Variants in SLC30A8 observed in about 807,000 individuals in gnomAD.
The protein encoded by SLC30A8 is proton-coupled zinc antiporter SLC30A8.
Under a neutral mutation model 36.9 loss-of-function variants are expected in SLC30A8, and 27 were observed. That is an observed-to-expected ratio of 0.73 (90% CI 0.54 to 1.01). The LOEUF (loss-of-function observed/expected upper bound fraction) is 1.01, where lower values mean the gene tolerates loss of function less well. Among genes scored for constraint, SLC30A8 ranks in the 50% least tolerant of loss-of-function variants. The probability of loss-of-function intolerance (pLI) is 0.00; values close to 1 mark genes in which losing one functional copy is unlikely to be tolerated. For synonymous variants in SLC30A8, 164 were observed against 172.4 expected (o/e 0.95, Z 0.38); for missense variants, 439 against 452.0 (o/e 0.97, Z 0.26).
chr8:117,094,341 A>G (rs751701588), intron 2 of SLC30A8, among the ~76,000 whole-genome samples: 1 of 152,162 alleles, frequency 6.6e-6, no homozygotes, highest in African/African-American at 2.4e-5. Flanking sequence ...TTTATTGAGC[A>G]GCAGCTCAGA....
intron 1 of SLC30A8, among the ~76,000 whole-genome samples, chr8:116,998,678 A>G (rs1177227026): frequency 6.6e-6 from 1 of 152,182 alleles, no homozygotes; most frequent in Non-Finnish European, 1.5e-5. Flanking sequence ...CCCAAACCCA[A>G]TAACTGTGGT....
At chr8:116,982,432 C>T (rs1463779695) in intron 1 of SLC30A8, among the ~76,000 whole-genome samples, 1 of 152,044 alleles carries the variant, frequency 6.6e-6, no homozygotes, top group African/African-American at 2.4e-5. Flanking sequence ...CAGTGATATT[C>T]CTACAGCATA....
intron 2 of SLC30A8, among the ~76,000 whole-genome samples, chr8:117,080,895 C>A (rs1041384020): frequency 6.6e-6 from 1 of 152,080 alleles, no homozygotes; most frequent in Non-Finnish European, 1.5e-5. Context: ...ATACTTAGTT[C>A]TTTGAGAAAT....
At chr8:117,083,902 C>A (rs569435857) in intron 2 of SLC30A8, among the ~76,000 whole-genome samples, 1 of 152,282 alleles carries the variant, frequency 6.6e-6, no homozygotes, top group East Asian at 1.9e-4. Flanking sequence ...CTTGATCCTC[C>A]TGATGGGCTC....
At chr8:117,096,066 C>G (rs1040576981) in intron 2 of SLC30A8, among the ~76,000 whole-genome samples, 2 of 152,138 alleles carry the variant, frequency 1.3e-5, no homozygotes, top group African/African-American at 4.8e-5. Flanking sequence ...TTCTCTCACA[C>G]CAGCTCTTGT....
intron 1 of SLC30A8, among the ~76,000 whole-genome samples, chr8:117,010,714 AAAGG>A (rs1411711755): frequency 1.3e-5 from 2 of 152,176 alleles, no homozygotes; most frequent in Non-Finnish European, 2.9e-5. Context: ...TGTGGGTTGT[AAAGG>A]AAGCATAATG....
At chr8:116,965,546 A>G (rs1814572014) in intron 1 of SLC30A8, among the ~76,000 whole-genome samples, 1 of 152,222 alleles carries the variant, frequency 6.6e-6, no homozygotes, top group Non-Finnish European at 1.5e-5. Flanking sequence ...ATCCAGATGA[A>G]TTTGACTGGA....
chr8:117,124,427 A>G (rs1189220533), intron 2 of SLC30A8, among the ~76,000 whole-genome samples: 2 of 151,840 alleles, frequency 1.3e-5, no homozygotes, highest in Non-Finnish European at 2.9e-5. Flanking sequence ...CATTGTTACT[A>G]TTCCTGCACC....
chr8:117,024,935 T>C (rs554967354), intron 1 of SLC30A8, among the ~76,000 whole-genome samples: 4 of 152,282 alleles, frequency 2.6e-5, no homozygotes, highest in African/African-American at 9.6e-5. Flanking sequence ...CAGTATCCAT[T>C]AGCTATTCTT....
At chr8:117,129,918 C>T (rs867391512) in intron 2 of SLC30A8, 2 of 151,844 alleles carry the variant, frequency 1.3e-5, no homozygotes, top group Admixed American at 6.6e-5. Flanking sequence ...TAGCTGACTG[C>T]GAAGGAAATG....
chr8:117,123,865 A>G (rs979384846), intron 2 of SLC30A8, among the ~76,000 whole-genome samples: 4 of 152,038 alleles, frequency 2.6e-5, no homozygotes, highest in South Asian at 2.1e-4. Flanking sequence ...TTTGGAAACT[A>G]TTGATGAGGA....
At chr8:116,958,577 C>T (rs1029964562) in intron 1 of SLC30A8, among the ~76,000 whole-genome samples, 4 of 151,858 alleles carry the variant, frequency 2.6e-5, no homozygotes, top group Non-Finnish European at 5.9e-5. Flanking sequence ...GGTAGTGTGT[C>T]GGCTGCATTT....
At chr8:116,971,255 C>T (rs1336876456) in intron 1 of SLC30A8, among the ~76,000 whole-genome samples, 1 of 152,032 alleles carries the variant, frequency 6.6e-6, no homozygotes, top group African/African-American at 2.4e-5. Context: ...GCACATGCAT[C>T]CCAGAACTTA....
chr8:117,153,625 G>A (rs76978308), intron 3 of SLC30A8, among the ~76,000 whole-genome samples: 3,405 of 150,216 alleles, frequency 0.023, 68 homozygotes, highest in Non-Finnish European at 0.033. Context: ...GAAGGAAGAG[G>A]AGAAGATGAA....
chr8:117,157,901 G>GTTTTTT, intron 4 of SLC30A8, 57 bp downstream of exon 4: 1 of 1,580,602 alleles, frequency 6.3e-7, no homozygotes, highest in Non-Finnish European at 8.6e-7. Context: ...TAACTATCTG[G>GTTTTTT]ACAAAGTCGA....
intron 1 of SLC30A8, among the ~76,000 whole-genome samples, chr8:117,019,001 T>A (rs1043845045): frequency 2.0e-5 from 3 of 152,152 alleles, no homozygotes; most frequent in Admixed American, 6.5e-5. Flanking sequence ...TAAGCATTTT[T>A]TAAAAAATTT....
intron 1 of SLC30A8, among the ~76,000 whole-genome samples, chr8:117,020,938 C>T (rs747719647): frequency 7.2e-5 from 11 of 151,726 alleles, no homozygotes; most frequent in Non-Finnish European, 1.3e-4. Context: ...TGGTATTCGT[C>T]GGAATGGAAA....
At chr8:117,001,903 T>C (rs1586383237) in intron 1 of SLC30A8, among the ~76,000 whole-genome samples, 1 of 152,220 alleles carries the variant, frequency 6.6e-6, no homozygotes, top group Non-Finnish European at 1.5e-5. Context: ...AATAAAGCAA[T>C]GGTTTATTTA....
chr8:116,973,428 C>T (rs1814861666), intron 1 of SLC30A8, among the ~76,000 whole-genome samples: 1 of 152,148 alleles, frequency 6.6e-6, no homozygotes, highest in Non-Finnish European at 1.5e-5. Context: ...TGAGTGAACT[C>T]CCATTCACAA....
Sources: allele counts gnomAD v4.1 joint callset (sites outside exome capture counted in the v4.1 genomes callset), GRCh38; gene constraint gnomAD v4.1.1; transcripts MANE v1.5; gene names NCBI Gene and HGNC (gene_info 2026-07-23, HGNC 2026-07-21).